The following NKAIN2 variants were observed in gnomAD, a reference collection of about 807,000 sequenced individuals.
NKAIN2 encodes sodium/potassium transporting ATPase interacting 2.
Under a neutral mutation model 32.6 loss-of-function variants are expected in NKAIN2, and 14 were observed. That is an observed-to-expected ratio of 0.43 (90% CI 0.28 to 0.67). The LOEUF (loss-of-function observed/expected upper bound fraction) is 0.67. NKAIN2 is among the 30% of genes least tolerant of loss of function. The probability of loss-of-function intolerance (pLI) is 0.17; values close to 1 mark genes in which losing one functional copy is unlikely to be tolerated. For synonymous variants in NKAIN2, 80 were observed against 87.2 expected (o/e 0.92, Z 0.46); for missense variants, 198 against 258.3 (o/e 0.77, Z 1.60).
intron 2 of NKAIN2, among the ~76,000 whole-genome samples, chr6:124,330,970 C>A (rs1797626172): frequency 6.6e-6 from 1 of 152,074 alleles, no homozygotes; most frequent in Non-Finnish European, 1.5e-5. Flanking sequence ...ATCCCGAAAC[C>A]ATCCCCACAC....
At chr6:124,349,293 C>T (rs918356056) in intron 2 of NKAIN2, among the ~76,000 whole-genome samples, 2 of 152,082 alleles carry the variant, frequency 1.3e-5, no homozygotes, top group South Asian at 2.1e-4. Context: ...CCAGCCTGCT[C>T]CCCCCTACAA....
At chr6:124,708,440 C>T (rs946212304) in intron 4 of NKAIN2, among the ~76,000 whole-genome samples, 49 of 151,898 alleles carry the variant, frequency 3.2e-4, no homozygotes, top group Non-Finnish European at 5.4e-4. Context: ...GGCAGTATGG[C>T]CATTTTCAGG....
At chr6:124,415,017 A>G (rs1562169497) in intron 3 of NKAIN2, among the ~76,000 whole-genome samples, 2 of 152,190 alleles carry the variant, frequency 1.3e-5, no homozygotes, top group Non-Finnish European at 2.9e-5. Context: ...TCACTCAACA[A>G]TAGTCAACAC....
intron 3 of NKAIN2, among the ~76,000 whole-genome samples, chr6:124,422,656 C>T (rs897388559): frequency 1.3e-5 from 2 of 152,130 alleles, no homozygotes; most frequent in Non-Finnish European, 2.9e-5. Flanking sequence ...AACAAAACAA[C>T]AAAACAACAA....
chr6:123,891,558 A>G (rs1417480257), intron 1 of NKAIN2, among the ~76,000 whole-genome samples: 5 of 152,188 alleles, frequency 3.3e-5, no homozygotes, highest in African/African-American at 1.2e-4. Flanking sequence ...TCCAAAGACC[A>G]GTGCCCAAAC....
chr6:124,433,481 A>G (rs986046732), intron 3 of NKAIN2, among the ~76,000 whole-genome samples: 6 of 152,156 alleles, frequency 3.9e-5, no homozygotes, highest in Non-Finnish European at 8.8e-5. Context: ...ATTCTGATAA[A>G]CTGTCATGTG....
At chr6:123,835,892 C>T (rs1256625933) in intron 1 of NKAIN2, among the ~76,000 whole-genome samples, 3 of 152,146 alleles carry the variant, frequency 2.0e-5, no homozygotes, top group African/African-American at 4.8e-5. Context: ...ACCCCAGTCT[C>T]TGTTGTGAGT....
intron 3 of NKAIN2, among the ~76,000 whole-genome samples, chr6:124,397,917 G>A (rs938639075): frequency 6.6e-6 from 1 of 152,072 alleles, no homozygotes; most frequent in African/African-American, 2.4e-5. Context: ...CAGGTTCTCA[G>A]AGTTTATGGT....
intron 1 of NKAIN2, among the ~76,000 whole-genome samples, chr6:124,206,911 T>G (rs928985969): frequency 3.3e-5 from 5 of 151,816 alleles, no homozygotes; most frequent in African/African-American, 1.2e-4. Flanking sequence ...AGGTCCAAAA[T>G]ACGGGATTAA....
At position 124,757,431 on chromosome 6, in the gene NKAIN2, T is replaced by A. The variant is rs567654658; in HGVS notation, c.475-33908T>A. On this transcript the variant is annotated intron_variant, in intron 4 of 6. Transcript: ENST00000368417. ...CATTTTTTCCCAAATTTACTAGATG[T>A]GTGTACCTTGTGAAGGAGTCAAAAG... is the stretch of plus-strand genomic sequence containing the variant. Among the ~76,000 whole-genome samples the A allele has an allele frequency of 3.3e-5, 5 of 152,286 alleles. No individual in the cohort carries two copies. In the South Asian group the frequency reaches 8.3e-4, roughly 25 times the overall value.
chr6:124,457,536 G>T (rs1308957480), intron 3 of NKAIN2, among the ~76,000 whole-genome samples: 1 of 151,748 alleles, frequency 6.6e-6, no homozygotes, highest in African/African-American at 2.4e-5. Flanking sequence ...TAATATCTTA[G>T]GGACTATATT....
intron 1 of NKAIN2, among the ~76,000 whole-genome samples, chr6:123,916,228 T>A (rs1428714331): frequency 6.6e-6 from 1 of 152,034 alleles, no homozygotes; most frequent in Non-Finnish European, 1.5e-5. Context: ...CTGGGGTGAT[T>A]AGGGATGTTC....
At chr6:124,799,643 T>A (rs77849930) in intron 5 of NKAIN2, among the ~76,000 whole-genome samples, 3 of 152,150 alleles carry the variant, frequency 2.0e-5, no homozygotes, top group African/African-American at 7.2e-5. Context: ...AGGAGGGCCT[T>A]TAACTGGGGT....
At chr6:124,214,204 C>A (rs377510844) in intron 1 of NKAIN2, among the ~76,000 whole-genome samples, 8 of 151,924 alleles carry the variant, frequency 5.3e-5, no homozygotes, top group African/African-American at 1.7e-4. Flanking sequence ...ATGTGGACTT[C>A]GAAAGAGATT....
At chr6:124,712,618 G>C (rs1378719039) in intron 4 of NKAIN2, among the ~76,000 whole-genome samples, 2 of 149,790 alleles carry the variant, frequency 1.3e-5, no homozygotes. Context: ...GAGTCGGAAA[G>C]GGAACTCCCT....
At chr6:124,055,952 C>A (rs1041554994) in intron 1 of NKAIN2, among the ~76,000 whole-genome samples, 5 of 151,984 alleles carry the variant, frequency 3.3e-5, no homozygotes, top group Non-Finnish European at 7.4e-5. Flanking sequence ...AATTTGTTTT[C>A]TAGCCAATAC....
At chr6:123,966,770 ATAC>A (rs1190458320) in intron 1 of NKAIN2, among the ~76,000 whole-genome samples, 2 of 152,172 alleles carry the variant, frequency 1.3e-5, no homozygotes, top group African/African-American at 4.8e-5. Flanking sequence ...TGTCTACTGT[ATAC>A]TACTACTGCT....
At chr6:124,249,671 G>A (rs890350342) in intron 1 of NKAIN2, among the ~76,000 whole-genome samples, 2 of 151,970 alleles carry the variant, frequency 1.3e-5, no homozygotes, top group Non-Finnish European at 1.5e-5. Flanking sequence ...CCACAATAAA[G>A]TGAAAGTGGG....
At chr6:124,529,446 A>G (rs1779439955) in intron 3 of NKAIN2, among the ~76,000 whole-genome samples, 1 of 152,222 alleles carries the variant, frequency 6.6e-6, no homozygotes, top group Non-Finnish European at 1.5e-5. Flanking sequence ...GTAGTCACAG[A>G]AAACCCTTAT....
Sources: gnomAD v4.1 joint callset for allele counts (sites outside exome capture counted in the v4.1 genomes callset) on GRCh38, gnomAD v4.1.1 for gene constraint, MANE v1.5 for transcripts, NCBI Gene and HGNC (gene_info 2026-07-23, HGNC 2026-07-21) for gene names.